The following PIGU variants were observed in gnomAD, a reference collection of about 807,000 sequenced individuals.
The protein encoded by PIGU is phosphatidylinositol glycan anchor biosynthesis class U, also known as GPI-anchor transamidase component PIGU.
PIGU carries 24 observed loss-of-function variants against 49.9 expected under a neutral mutation model. That is an observed-to-expected ratio of 0.48 (90% CI 0.35 to 0.68). The LOEUF (loss-of-function observed/expected upper bound fraction) is 0.68. Among genes scored for constraint, PIGU ranks in the 30% least tolerant of loss-of-function variants. The pLI, the probability that PIGU is intolerant of heterozygous loss-of-function variation, is 0.01. For missense variants in PIGU, 490 were observed against 532.6 expected (o/e 0.92, Z 0.79); for synonymous variants, 220 against 205.7 (o/e 1.07, Z -0.59).
intron 5 of PIGU, among the ~76,000 whole-genome samples, chr20:34,636,636 C>T (rs925360989): frequency 6.6e-6 from 1 of 152,156 alleles, no homozygotes; most frequent in Non-Finnish European, 1.5e-5. Flanking sequence ...TATTCTACAG[C>T]ACTATAGTAA....
At chr20:34,622,013 G>C (rs1203154006) in intron 6 of PIGU, among the ~76,000 whole-genome samples, 1 of 152,076 alleles carries the variant, frequency 6.6e-6, no homozygotes, top group East Asian at 1.9e-4. Context: ...TGCTGGGGTG[G>C]GGCTGTGTGT....
chr20:34,575,281 GCT>G (rs749303616), intron 10 of PIGU, 35 bp from the exon 11 acceptor site: 1 of 1,602,336 alleles, frequency 6.2e-7, no homozygotes. Context: ...AGCCTGACAC[GCT>G]CTCTCTGGCA....
Position 34,612,619 on chromosome 20 carries a change from CTTTTT to C in PIGU, c.627+3418_627+3422del, listed in dbSNP as rs1220427781. ...CGGGCAGTTCTTTTTCTTTCCTTTT[CTTTTT>C]TTTTTTTTTCTTTTTTTGAGACAGA... On this transcript the variant is annotated intron_variant, in intron 7 of 11. Coordinates refer to ENST00000217446, the MANE Select transcript of PIGU (RefSeq NM_080476.5). Among the ~76,000 whole-genome samples the C allele has an allele frequency of 1.1e-4, 16 of 139,848 alleles. No individual in the cohort carries two copies. In the Middle Eastern group the frequency reaches 0.018, roughly 159 times the overall value. 91.7% of individuals were successfully genotyped at this position (139,848 alleles called of 152,430 possible).
At chr20:34,604,763 C>G (rs924933308) in intron 7 of PIGU, among the ~76,000 whole-genome samples, 2 of 152,024 alleles carry the variant, frequency 1.3e-5, no homozygotes, top group Non-Finnish European at 1.5e-5. Context: ...ATAACCTGAC[C>G]CAAGCTCCAG....
At chr20:34,659,318 G>A (rs868731429) in intron 1 of PIGU, among the ~76,000 whole-genome samples, 45 of 114,102 alleles carry the variant, frequency 3.9e-4, no homozygotes, top group Admixed American at 1.2e-3. Flanking sequence ...TCAGCCCCCC[G>A]CCCGGCCAGC....
chr20:34,576,551 G>A (rs1983242594), intron 10 of PIGU, among the ~76,000 whole-genome samples: 1 of 152,242 alleles, frequency 6.6e-6, no homozygotes, highest in South Asian at 2.1e-4. Flanking sequence ...TCCAGCAATG[G>A]TGGATTGAGG....
chr20:34,623,021 A>G (rs1206053291), intron 6 of PIGU, among the ~76,000 whole-genome samples: 1 of 152,150 alleles, frequency 6.6e-6, no homozygotes, highest in Non-Finnish European at 1.5e-5. Flanking sequence ...TGCACCTCAC[A>G]GCGATCTGGG....
At chr20:34,624,874 G>T (rs1281553079) in intron 6 of PIGU, among the ~76,000 whole-genome samples, 1 of 152,086 alleles carries the variant, frequency 6.6e-6, no homozygotes, top group Non-Finnish European at 1.5e-5. Flanking sequence ...GGCAACCCTG[G>T]GCTGCCACAA....
At chr20:34,668,867 CTTTT>C (rs374136983) in intron 1 of PIGU, among the ~76,000 whole-genome samples, 42 of 44,696 alleles carry the variant, frequency 9.4e-4, no homozygotes, top group African/African-American at 1.4e-3. Flanking sequence ...AATGGTAAAA[CTTTT>C]TTTTTTTTTT....
intron 6 of PIGU, among the ~76,000 whole-genome samples, chr20:34,625,350 A>G (rs1372560547): frequency 6.6e-6 from 1 of 151,292 alleles, no homozygotes; most frequent in Non-Finnish European, 1.5e-5. Flanking sequence ...CCTGGGGAAC[A>G]AGAGCAAAAC....
chr20:34,649,512 T>A (rs1986460976), intron 2 of PIGU, among the ~76,000 whole-genome samples: 1 of 151,970 alleles, frequency 6.6e-6, no homozygotes, highest in South Asian at 2.1e-4. Context: ...TGCTGCTAAA[T>A]TCATCTATAC....
intron 1 of PIGU, among the ~76,000 whole-genome samples, chr20:34,666,871 T>G (rs1179441825): frequency 6.6e-6 from 1 of 151,960 alleles, no homozygotes; most frequent in Non-Finnish European, 1.5e-5. Context: ...TAATTTTTTT[T>G]GTATTTTTAG....
intron 1 of PIGU, among the ~76,000 whole-genome samples, chr20:34,674,970 CA>C (rs1987449722): frequency 6.9e-6 from 1 of 144,802 alleles, no homozygotes; most frequent in African/African-American, 2.5e-5. Context: ...AAAAAGAGGC[CA>C]GGCATGGCGG....
intron 4 of PIGU, among the ~76,000 whole-genome samples, chr20:34,638,577 G>T (rs899163578): frequency 6.6e-6 from 1 of 152,176 alleles, no homozygotes; most frequent in Non-Finnish European, 1.5e-5. Flanking sequence ...TATCATCAGT[G>T]GCCTAAAGAC....
intron 1 of PIGU, among the ~76,000 whole-genome samples, chr20:34,669,945 T>C (rs919723424): frequency 6.6e-6 from 1 of 152,000 alleles, no homozygotes; most frequent in Non-Finnish European, 1.5e-5. Context: ...GCAAATGAAC[T>C]AGGGATGTTC....
At chr20:34,666,702 T>C (rs1987110838) in intron 1 of PIGU, among the ~76,000 whole-genome samples, 1 of 136,750 alleles carries the variant, frequency 7.3e-6, no homozygotes, top group African/African-American at 2.7e-5. Context: ...TTTTTTTTTT[T>C]TTTTTTTTTT....
At chr20:34,672,628 G>A (rs1374915041) in intron 1 of PIGU, among the ~76,000 whole-genome samples, 1 of 151,964 alleles carries the variant, frequency 6.6e-6, no homozygotes, top group Non-Finnish European at 1.5e-5. Context: ...CAAGGCAGAA[G>A]GATCGCTTGA....
intron 7 of PIGU, among the ~76,000 whole-genome samples, chr20:34,610,707 T>G (rs1378624615): frequency 1.3e-5 from 2 of 152,138 alleles, no homozygotes; most frequent in Admixed American, 6.6e-5. Context: ...AAAAACTACT[T>G]TAAATTTCAT....
At chr20:34,670,146 A>G (rs1205937822) in intron 1 of PIGU, among the ~76,000 whole-genome samples, 6 of 151,094 alleles carry the variant, frequency 4.0e-5, no homozygotes, top group Non-Finnish European at 4.4e-5. Context: ...CATAGAATAC[A>G]TTGTTATGTG....
Sources: gnomAD v4.1 joint callset for allele counts (sites outside exome capture counted in the v4.1 genomes callset) on GRCh38, gnomAD v4.1.1 for gene constraint, MANE v1.5 for transcripts, NCBI Gene and HGNC (gene_info 2026-07-23, HGNC 2026-07-21) for gene names.